Variants in ZNF83 observed in about 807,000 individuals in gnomAD.
ZNF83 encodes zinc finger protein 83.
For synonymous variants in ZNF83, 209 were observed against 213.0 expected (o/e 0.98, Z 0.17); for missense variants, 552 against 629.9 (o/e 0.88, Z 1.32).
At chr19:52,670,592 A>T (rs965990557) in intron 1 of ZNF83, among the ~76,000 whole-genome samples, 1 of 152,212 alleles carries the variant, frequency 6.6e-6, no homozygotes, top group Non-Finnish European at 1.5e-5. Flanking sequence ...GAAAAGAGTC[A>T]AACTCTGTAA....
At chr19:52,643,770 G>A (rs2061338048) in intron 3 of ZNF83, among the ~76,000 whole-genome samples, 2 of 152,190 alleles carry the variant, frequency 1.3e-5, no homozygotes, top group South Asian at 4.1e-4. Flanking sequence ...TCAGATGGGG[G>A]TGGGAGGGCA....
At position 52,677,244 on chromosome 19, in the gene ZNF83, T is replaced by A. The variant is rs376138731; in HGVS notation, c.-283+13199A>T. 4.6e-4 allele frequency among the ~76,000 whole-genome samples: 68 copies of A among 148,540 alleles called. No homozygotes were observed. In the East Asian group the frequency reaches 0.012, roughly 26 times the overall value. On this transcript the variant is annotated intron_variant, in intron 1 of 5. Transcript: ENST00000594682. ...TCACACCACAAAGCATGAGTGAGAC[T>A]GGGCTGGAAGTTGGTGAGGGGCATT...
intron 3 of ZNF83, among the ~76,000 whole-genome samples, chr19:52,645,010 TAAA>T (rs35106617): frequency 6.3e-5 from 7 of 111,128 alleles, no homozygotes; most frequent in East Asian, 2.5e-4. Flanking sequence ...AACTCCATCT[TAAA>T]AAAAAAAAAA....
intron 2 of ZNF83, chr19:52,618,717 T>A (rs554983620): frequency 2.3e-5 from 21 of 897,610 alleles, no homozygotes; most frequent in East Asian, 3.0e-5. Flanking sequence ...TTTTAAGCCT[T>A]CTTTACTTCT....
At chr19:52,684,848 C>CAGG (rs2061987850) in intron 1 of ZNF83, among the ~76,000 whole-genome samples, 1 of 152,150 alleles carries the variant, frequency 6.6e-6, no homozygotes, top group Non-Finnish European at 1.5e-5. Context: ...GGCAAGCTCC[C>CAGG]AGGAGGCTGG....
chr19:52,676,450 G>A (rs1457900240), intron 1 of ZNF83, among the ~76,000 whole-genome samples: 2 of 152,062 alleles, frequency 1.3e-5, no homozygotes, highest in Non-Finnish European at 2.9e-5. Context: ...CCATGTCTGG[G>A]ATGTGAGGAG....
intron 2 of ZNF83, among the ~76,000 whole-genome samples, chr19:52,619,847 A>G (rs1293694258): frequency 1.3e-5 from 2 of 152,098 alleles, no homozygotes; most frequent in Admixed American, 1.3e-4. Context: ...AGATCACACC[A>G]CTGCACTCCA....
chr19:52,639,419 T>TTTTTTTC (rs2061260416), upstream of ZNF83, among the ~76,000 whole-genome samples: 1 of 137,682 alleles, frequency 7.3e-6, no homozygotes, highest in Non-Finnish European at 1.5e-5. Context: ...TTTTCTATTT[T>TTTTTTTC]TTTTTTTTTT....
chr19:52,675,704 G>A (rs1341697367), intron 1 of ZNF83, among the ~76,000 whole-genome samples: 1 of 151,950 alleles, frequency 6.6e-6, no homozygotes, highest in Non-Finnish European at 1.5e-5. Flanking sequence ...GGCCAGGAAA[G>A]GAAGGGCAAG....
In ZNF83 at chr19:52,688,950, G is replaced by GAA. The variant is rs56247444; in HGVS notation, c.-283+1491_-283+1492dup. Among the ~76,000 whole-genome samples, 114 of 126,776 alleles carry GAA rather than the reference G, an allele frequency of 9.0e-4. No individual in the cohort carries two copies. In the South Asian group the frequency reaches 0.011, roughly 13 times the overall value. The allele number at this position is 126,776 out of a possible 152,430, so 83.2% of individuals were successfully genotyped here. A position where few individuals can be genotyped will look rare whatever the true frequency, so the allele number is the denominator to read the frequency against. On this transcript the variant is annotated intron_variant, in intron 1 of 5. Transcript: ENST00000594682. ...CCCACCTTCCAGAGCAAGGTTGAAG[G>GAA]AAAAAAAAAAAAAAAAAAAAAAGAG...
chr19:52,673,095 G>T (rs1177189712), intron 1 of ZNF83, among the ~76,000 whole-genome samples: 1 of 152,140 alleles, frequency 6.6e-6, no homozygotes, highest in Non-Finnish European at 1.5e-5. Context: ...TGTAATCCCA[G>T]CTACTCAGGA....
At chr19:52,675,672 A>G (rs1027516223) in intron 1 of ZNF83, among the ~76,000 whole-genome samples, 5 of 152,286 alleles carry the variant, frequency 3.3e-5, no homozygotes, top group Admixed American at 3.3e-4. Context: ...TTGCATCCAG[A>G]TCAATGTACC....
chr19:52,663,759 T>G (rs2147286533), intron 1 of ZNF83, among the ~76,000 whole-genome samples: 1 of 152,266 alleles, frequency 6.6e-6, no homozygotes, highest in African/African-American at 2.4e-5. Flanking sequence ...TTAAAATGGT[T>G]AAAAAATATA....
intron 2 of ZNF83, chr19:52,618,889 A>G (rs898539893): frequency 8.6e-6 from 13 of 1,519,250 alleles, no homozygotes; most frequent in Non-Finnish European, 1.2e-5. Context: ...GAAAATGCAA[A>G]GATACACAAG....
At position 52,619,159 on chromosome 19, in the gene ZNF83, T is replaced by C. The variant is rs1010968088; in HGVS notation, c.-233-4362A>G. On this transcript the variant is annotated intron_variant, in intron 2 of 2. Coordinates refer to ENST00000301096, the Ensembl canonical transcript of ZNF83. ...GGTGACAACAAGGATTTAATTGTAG[T>C]GAATGTTCTGACAAATCTGAGTAAG... 4 of 1,609,738 alleles carry C rather than the reference T, an allele frequency of 2.5e-6. No individual in the cohort carries two copies. In the African/African-American group the frequency reaches 4.0e-5, roughly 16 times the overall value.
intron 2 of ZNF83, chr19:52,655,749 G>T: frequency 1.4e-6 from 1 of 704,964 alleles, no homozygotes; most frequent in Non-Finnish European, 2.5e-6. Context: ...CACACAAAAT[G>T]AGAAAAGAGA....
intron 2 of ZNF83, among the ~76,000 whole-genome samples, chr19:52,623,573 T>C (rs1347312866): frequency 1.3e-5 from 2 of 152,102 alleles, no homozygotes; most frequent in African/African-American, 4.8e-5. Context: ...CACATCTCAT[T>C]GCCGCCCTTC....
upstream of ZNF83, among the ~76,000 whole-genome samples, chr19:52,639,413 C>CTTTTTTTTTCTTTTTTTTTTT (rs1206783591): frequency 1.5e-4 from 8 of 53,832 alleles, no homozygotes; most frequent in African/African-American, 2.7e-4. Context: ...TTAGTTTTTT[C>CTTTTTTTTTCTTTTTTTTTTT]TATTTTTTTT....
chr19:52,633,507 C>T (rs565750846), intron 2 of ZNF83, among the ~76,000 whole-genome samples: 271 of 152,270 alleles, frequency 1.8e-3, no homozygotes, highest in African/African-American at 6.3e-3. Context: ...CTGACAGTAG[C>T]GGCTCCCCAG....
Sources: allele counts gnomAD v4.1 joint callset (sites outside exome capture counted in the v4.1 genomes callset), GRCh38; gene constraint gnomAD v4.1.1; transcripts MANE v1.5; gene names NCBI Gene and HGNC (gene_info 2026-07-23, HGNC 2026-07-21).